RB1: variants seen among roughly 807,000 people sequenced by gnomAD.
RB1 encodes the protein retinoblastoma-associated protein.
A neutral mutation model predicts 135.4 loss-of-function variants in RB1; 18 were observed. That is an observed-to-expected ratio of 0.13 (90% CI 0.09 to 0.20). RB1 has a LOEUF of 0.20. Among genes scored for constraint, RB1 ranks in the 10% least tolerant of loss-of-function variants. RB1 has a pLI of 1.00. For missense variants in RB1, 868 were observed against 1,110.0 expected, an observed-to-expected ratio of 0.78 and a Z score of 3.10; for synonymous variants, 365 against 373.2, an observed-to-expected ratio of 0.98 and a Z score of 0.25.
intron 9 of RB1, among the ~76,000 whole-genome samples, chr13:48,365,446 A>G (rs1388923304): frequency 3.3e-5 from 5 of 152,218 alleles, no homozygotes; most frequent in South Asian, 2.1e-4. Context: ...GACTGTGACT[A>G]TTGCAGAAGT....
Position 48,370,655 on chromosome 13 carries a change from C to T in RB1, c.1127+2051C>T, listed in dbSNP as rs1036280449. ...TGGGATGGGAAGCTTCTATGCCCTC[C>T]CTGGCCAGACAGCTGTCCAGGAGCC... On this transcript the variant is annotated intron_variant, in intron 11 of 26. Transcript: ENST00000267163. Among the ~76,000 whole-genome samples, 19 of 152,300 alleles carry T rather than the reference C, an allele frequency of 1.2e-4. No individual in the cohort carries two copies. The South Asian group carries it at 2.5e-3, about 20-fold the overall frequency.
In RB1 at chr13:48,347,866, A is replaced by G; in HGVS notation, c.539+3A>G. On this transcript the variant is annotated splice_donor_region_variant and intron_variant, in intron 5 of 26. Transcript: ENST00000267163. ...TATTTGACACAACCCAGCAGTTCGT[A>G]AGTAGTTCACAGAATGTTATTTTTC... 2 of 1,581,336 alleles carry G rather than the reference A, an allele frequency of 1.3e-6. No homozygotes were observed. The highest frequency in any genetic ancestry group is 1.7e-6 in the Non-Finnish European group (2 of 1,151,600).
At chr13:48,457,263 G>A (rs1949366449) in intron 19 of RB1, among the ~76,000 whole-genome samples, 1 of 152,128 alleles carries the variant, frequency 6.6e-6, no homozygotes, top group African/African-American at 2.4e-5. Flanking sequence ...CAGGCAGGTC[G>A]TCCCAACAAG....
chr13:48,364,742 C>G (rs1952677281), intron 8 of RB1, 152 bp from the exon 9 acceptor site: 1 of 897,754 alleles, frequency 1.1e-6, no homozygotes, highest in Non-Finnish European at 1.6e-6. Context: ...GACCCCTTCT[C>G]TAAGAAAATA....
chr13:48,316,952 G>T, intron 2 of RB1: 1 of 371,822 alleles, frequency 2.7e-6, no homozygotes, highest in Non-Finnish European at 5.2e-6. Context: ...CGCCCAAGGT[G>T]CCCTGGTCCT....
intron 2 of RB1, among the ~76,000 whole-genome samples, chr13:48,313,596 G>A (rs1952152582): frequency 6.6e-6 from 1 of 150,730 alleles, no homozygotes; most frequent in Admixed American, 6.6e-5. Context: ...TTTGAATGTG[G>A]ATATCCAGTT....
In RB1 at chr13:48,459,716, T is replaced by C. The variant is rs780654106; in HGVS notation, c.1989T>C (p.Asn663=). 9 of 1,614,080 alleles carry C rather than the reference T, an allele frequency of 5.6e-6. No individual in the cohort carries two copies. The South Asian group carries it at 9.9e-5, about 18-fold the overall frequency. The change falls in exon 20 of 27, where the codon AAT becomes AAC. Residue 663 remains asparagine, a synonymous_variant. Coordinates refer to ENST00000267163, the MANE Select transcript of RB1 (RefSeq NM_000321.3). ...KVYRLAYLRL[N]TLCERLLSEH... ...ATCGGCTAGCCTATCTCCGGCTAAA[T>C]ACACTTTGTGAACGCCTTCTGTCTG...
intron 19 of RB1, among the ~76,000 whole-genome samples, chr13:48,458,943 AT>A (rs528884666): frequency 6.6e-6 from 1 of 152,114 alleles, no homozygotes; most frequent in Non-Finnish European, 1.5e-5. Flanking sequence ...GTGTGGTTTA[AT>A]TTTTTTAGGA....
intron 26 of RB1, among the ~76,000 whole-genome samples, chr13:48,478,894 G>A (rs1196528951): frequency 1.3e-5 from 2 of 152,064 alleles, no homozygotes; most frequent in African/African-American, 4.8e-5. Context: ...TAAGTATCCC[G>A]GCTTTGTCTA....
At chr13:48,318,371 C>G in intron 2 of RB1, 4 of 1,472,498 alleles carry the variant, frequency 2.7e-6, no homozygotes, top group Non-Finnish European at 3.7e-6. Flanking sequence ...TCTTCTTGAG[C>G]TTTCGCTTGG....
chr13:48,350,644 CAG>C (rs1952539583), intron 6 of RB1, among the ~76,000 whole-genome samples: 3 of 151,946 alleles, frequency 2.0e-5, no homozygotes, highest in Admixed American at 2.0e-4. Context: ...ACTTGTGTCA[CAG>C]GGGTTTGTTG....
intron 2 of RB1, among the ~76,000 whole-genome samples, chr13:48,322,058 A>C (rs1555280832): frequency 6.6e-6 from 1 of 152,058 alleles, no homozygotes; most frequent in Non-Finnish European, 1.5e-5. Context: ...GAAACTTTTT[A>C]GTTTAAGTCC....
intron 6 of RB1, among the ~76,000 whole-genome samples, chr13:48,356,478 A>T (rs1952592805): frequency 6.6e-6 from 1 of 152,016 alleles, no homozygotes; most frequent in South Asian, 2.1e-4. Context: ...AATGTGAAAA[A>T]ATTAAGAGGT....
chr13:48,456,199 T>C lies in RB1; in HGVS notation c.1815-5T>C, dbSNP rs770160524. 1.4e-5 allele frequency: 23 copies of C among 1,613,898 alleles called. No individual in the cohort carries two copies. The Admixed American group carries it at 3.2e-4, about 22-fold the overall frequency. On this transcript the variant is annotated splice_polypyrimidine_tract_variant and splice_region_variant and intron_variant, in intron 18 of 26. Transcript: ENST00000267163. ...AATGAAGACTTTTCCTTTAAATATA[T>C]CTAGGTATCTTTCTCCTGTAAGATC...
intron 17 of RB1, among the ~76,000 whole-genome samples, chr13:48,400,706 T>G (rs967474069): frequency 3.9e-5 from 6 of 152,134 alleles, no homozygotes; most frequent in Non-Finnish European, 7.4e-5. Flanking sequence ...TGTCTCTGTA[T>G]CTCAGGTTTC....
intron 17 of RB1, among the ~76,000 whole-genome samples, chr13:48,446,427 T>C (rs1405211859): frequency 6.6e-6 from 1 of 152,212 alleles, no homozygotes; most frequent in African/African-American, 2.4e-5. Context: ...TTGAATAAGA[T>C]AGACAAAGCC....
At chr13:48,415,126 C>T (rs574956426) in intron 17 of RB1, among the ~76,000 whole-genome samples, 1 of 152,080 alleles carries the variant, frequency 6.6e-6, no homozygotes, top group East Asian at 1.9e-4. Flanking sequence ...TCTCATCCTA[C>T]TTTTACTTTC....
intron 17 of RB1, among the ~76,000 whole-genome samples, chr13:48,396,301 AT>A (rs773913651): frequency 1.3e-5 from 2 of 152,204 alleles, no homozygotes; most frequent in Admixed American, 6.5e-5. Context: ...AAAAAGATAA[AT>A]AAACCAACGG....
chr13:48,370,345 C>G lies in RB1; in HGVS notation c.1127+1741C>G, dbSNP rs146161177. Among the ~76,000 whole-genome samples the G allele has an allele frequency of 4.1e-4, 62 of 152,168 alleles. No individual in the cohort carries two copies. The Middle Eastern group carries it at 0.014, about 33-fold the overall frequency. On this transcript the variant is annotated intron_variant, in intron 11 of 26. Coordinates refer to ENST00000267163, the MANE Select transcript of RB1 (RefSeq NM_000321.3). ...GCAGCAGTCACCAGCTGGGTGTCCT[C>G]TAATTTACTTCTGACACTGCTTACC...
Sources: gnomAD v4.1 joint callset for allele counts (sites outside exome capture counted in the v4.1 genomes callset) on GRCh38, gnomAD v4.1.1 for gene constraint, MANE v1.5 for transcripts, NCBI Gene and HGNC (gene_info 2026-07-23, HGNC 2026-07-21) for gene names.